Variants in SIPA1L1 observed in about 807,000 individuals in gnomAD.
SIPA1L1 encodes signal induced proliferation associated 1 like 1, also known as signal-induced proliferation-associated 1-like protein 1.
In SIPA1L1, 26 loss-of-function variants were observed where a neutral mutation model predicts 162.7. That is an observed-to-expected ratio of 0.16 (90% CI 0.12 to 0.22). The LOEUF (loss-of-function observed/expected upper bound fraction) is 0.22. Among genes scored for constraint, SIPA1L1 ranks in the 10% least tolerant of loss-of-function variants. The pLI is 1.00. For synonymous variants in SIPA1L1, 829 were observed against 837.4 expected (o/e 0.99, Z 0.17); for missense variants, 1,874 against 2,241.0 (o/e 0.84, Z 3.31).
intron 2 of SIPA1L1, among the ~76,000 whole-genome samples, chr14:71,328,077 A>G (rs2034047131): frequency 6.6e-6 from 1 of 152,218 alleles, no homozygotes; most frequent in Non-Finnish European, 1.5e-5. Flanking sequence ...TAGGATCTTA[A>G]TGATGAGTCT....
At chr14:71,452,916 G>A (rs994381805) in intron 2 of SIPA1L1, among the ~76,000 whole-genome samples, 2 of 152,020 alleles carry the variant, frequency 1.3e-5, no homozygotes, top group Non-Finnish European at 2.9e-5. Context: ...TTTTCCTCTG[G>A]TGTTCAGGAT....
chr14:71,434,682 G>A (rs1282893050), intron 2 of SIPA1L1, among the ~76,000 whole-genome samples: 4 of 152,110 alleles, frequency 2.6e-5, no homozygotes, highest in African/African-American at 7.2e-5. Context: ...GGGCTCAAGC[G>A]ATCCTCCCAC....
At chr14:71,354,725 T>C (rs2037075745) in intron 2 of SIPA1L1, among the ~76,000 whole-genome samples, 1 of 152,206 alleles carries the variant, frequency 6.6e-6, no homozygotes, top group Non-Finnish European at 1.5e-5. Context: ...TTAAAATGTT[T>C]TTGAAGTAGC....
chr14:71,544,808 A>C (rs1289904566), intron 4 of SIPA1L1, among the ~76,000 whole-genome samples: 1 of 152,156 alleles, frequency 6.6e-6, no homozygotes, highest in Non-Finnish European at 1.5e-5. Context: ...CTTTGTTCTT[A>C]AGTCAATTAT....
chr14:71,536,478 TAA>T (rs1395588342), intron 4 of SIPA1L1, among the ~76,000 whole-genome samples: 1 of 152,206 alleles, frequency 6.6e-6, no homozygotes, highest in Non-Finnish European at 1.5e-5. Context: ...CTCTTCCAAG[TAA>T]AGAGTGTAAA....
chr14:71,466,900 C>G (rs2142059641), intron 2 of SIPA1L1, among the ~76,000 whole-genome samples: 1 of 152,196 alleles, frequency 6.6e-6, no homozygotes, highest in Admixed American at 6.5e-5. Flanking sequence ...CATAGTAGTT[C>G]TCTCCATTTA....
intron 4 of SIPA1L1, among the ~76,000 whole-genome samples, chr14:71,557,940 AG>A (rs1182727553): frequency 1.2e-4 from 19 of 152,348 alleles, no homozygotes; most frequent in African/African-American, 4.6e-4. Flanking sequence ...CTTACATCGT[AG>A]GTAATTATTA....
chr14:71,366,390 C>T (rs1170940411), intron 2 of SIPA1L1, among the ~76,000 whole-genome samples: 1 of 152,080 alleles, frequency 6.6e-6, no homozygotes, highest in African/African-American at 2.4e-5. Context: ...GTAGTATAAA[C>T]ATTGAATTTA....
intron 2 of SIPA1L1, among the ~76,000 whole-genome samples, chr14:71,360,051 C>T (rs1336075672): frequency 2.0e-5 from 3 of 152,120 alleles, no homozygotes; most frequent in African/African-American, 7.2e-5. Context: ...CAAGATCTCC[C>T]ATCTTGTGAG....
At chr14:71,629,844 TCAAGAATG>T (rs2040396491) in intron 7 of SIPA1L1, among the ~76,000 whole-genome samples, 1 of 152,244 alleles carries the variant, frequency 6.6e-6, no homozygotes, top group Non-Finnish European at 1.5e-5. Flanking sequence ...AATAAATATC[TCAAGAATG>T]GATATAAGGA....
At chr14:71,606,347 C>T (rs1360992724) in intron 5 of SIPA1L1, among the ~76,000 whole-genome samples, 2 of 152,084 alleles carry the variant, frequency 1.3e-5, no homozygotes, top group Non-Finnish European at 2.9e-5. Flanking sequence ...GTGGCCCATG[C>T]TTCAGCCCTG....
intron 3 of SIPA1L1, chr14:71,528,788 T>C (rs1205755873): frequency 6.6e-6 from 1 of 152,182 alleles, no homozygotes; most frequent in African/African-American, 2.4e-5. Flanking sequence ...CAAAGATGCA[T>C]GTGACCTTAA....
At chr14:71,722,474 A>C (rs1462265971) in intron 17 of SIPA1L1, among the ~76,000 whole-genome samples, 1 of 152,234 alleles carries the variant, frequency 6.6e-6, no homozygotes, top group African/African-American at 2.4e-5. Context: ...AGTAAAAATA[A>C]CTGAAAGTCT....
intron 2 of SIPA1L1, among the ~76,000 whole-genome samples, chr14:71,384,034 T>C (rs953900210): frequency 1.3e-5 from 2 of 152,210 alleles, no homozygotes; most frequent in African/African-American, 4.8e-5. Context: ...GCTGGTTCTT[T>C]TCATATAGGG....
At chr14:71,338,856 C>T (rs1314117718) in intron 2 of SIPA1L1, among the ~76,000 whole-genome samples, 2 of 152,056 alleles carry the variant, frequency 1.3e-5, no homozygotes, top group African/African-American at 2.4e-5. Flanking sequence ...TCTCCTTCCT[C>T]AGCTTCCCGA....
chr14:71,492,297 A>C (rs940646899), intron 2 of SIPA1L1, among the ~76,000 whole-genome samples: 5 of 152,178 alleles, frequency 3.3e-5, no homozygotes, highest in Non-Finnish European at 7.3e-5. Context: ...TGTTTTTATT[A>C]GTTTAGAAGT....
chr14:71,422,527 CAA>C (rs1213391058), intron 2 of SIPA1L1, among the ~76,000 whole-genome samples: 12 of 152,138 alleles, frequency 7.9e-5, no homozygotes, highest in Admixed American at 5.9e-4. Flanking sequence ...CTTTCTGTCT[CAA>C]TGATTTAGGC....
chr14:71,437,476 C>T (rs1172788450), intron 2 of SIPA1L1, among the ~76,000 whole-genome samples: 11 of 152,126 alleles, frequency 7.2e-5, no homozygotes, highest in South Asian at 2.1e-4. Context: ...CGAGGTATTT[C>T]GGGGTGCCTC....
chr14:71,679,521 A>G (rs1031785795), intron 12 of SIPA1L1, among the ~76,000 whole-genome samples: 6 of 152,382 alleles, frequency 3.9e-5, no homozygotes, highest in African/African-American at 1.4e-4. Flanking sequence ...AAGAAATTGC[A>G]TGAACTAACA....
Sources: allele counts gnomAD v4.1 joint callset (sites outside exome capture counted in the v4.1 genomes callset), GRCh38; gene constraint gnomAD v4.1.1; transcripts MANE v1.5; gene names NCBI Gene and HGNC (gene_info 2026-07-23, HGNC 2026-07-21).